The following WAPL variants were observed in gnomAD, a reference collection of about 807,000 sequenced individuals.
The protein encoded by WAPL is WAPL cohesin release factor.
A neutral mutation model predicts 121.0 loss-of-function variants in WAPL; 5 were observed. The ratio of observed to expected loss-of-function variants is 0.04; its 90% CI spans 0.02 to 0.09. The LOEUF (loss-of-function observed/expected upper bound fraction) is 0.09. Among genes scored for constraint, WAPL ranks in the 10% least tolerant of loss-of-function variants. The pLI is 1.00. For synonymous variants in WAPL, 480 were observed against 481.5 expected (o/e 1.00, Z 0.04); for missense variants, 999 against 1,410.8 (o/e 0.71, Z 4.68).
chr10:86,476,108 G>A (rs943982753), intron 4 of WAPL, among the ~76,000 whole-genome samples: 1 of 152,276 alleles, frequency 6.6e-6, no homozygotes, highest in African/African-American at 2.4e-5. Context: ...GCTTACGCCT[G>A]TAATCCCAGC....
rs1589505400 is a variant in WAPL, at chr10:86,462,115, G to A, written c.2371-828C>T. 5.9e-5 allele frequency among the ~76,000 whole-genome samples: 9 copies of A among 152,196 alleles called. No individual in the cohort carries two copies. In the South Asian group the frequency reaches 1.7e-3, roughly 28 times the overall value. ...TTTTTATTGCCCTTTATTTCACTTT[G>A]GCTGTTGTTTTTCTTTTTAAAGCAG... On this transcript the variant is annotated intron_variant, in intron 9 of 18. Transcript: ENST00000298767.
At chr10:86,492,281 A>G (rs1842064886) in intron 4 of WAPL, among the ~76,000 whole-genome samples, 1 of 152,198 alleles carries the variant, frequency 6.6e-6, no homozygotes, top group Non-Finnish European at 1.5e-5. Context: ...CAGCTATTAA[A>G]TGTGTAAGAA....
chr10:86,443,227 T>C (rs761611793), intron 17 of WAPL, 48 bp downstream of exon 17: 12 of 1,455,866 alleles, frequency 8.2e-6, no homozygotes, highest in African/African-American at 1.4e-5. Context: ...AGTCGTTACA[T>C]TGGAATCTTT....
chr10:86,491,136 CTT>C (rs34863367), intron 4 of WAPL, among the ~76,000 whole-genome samples: 10,997 of 102,760 alleles, frequency 0.11, 959 homozygotes, highest in East Asian at 0.4. Flanking sequence ...ACTCATGGTT[CTT>C]TTTTTTTTTT....
chr10:86,500,170 T>G lies in WAPL; in HGVS notation c.1073A>C (p.Tyr358Ser). Residue 358 changes from tyrosine (Y) to serine (S), a missense_variant, in exon 3 of 19, where the codon TAC becomes TCC. Transcript: ENST00000298767. ...FRGTVGRTRDYTVLHPSCLSV... is the reference protein window; with the variant it reads ...FRGTVGRTRDSTVLHPSCLSV... ...CAAGCAAGATGGATGTAAAACAGTG[T>G]AATCTCTAGTCCGTCCAACTGTCCC... 1 of 1,614,156 alleles carries G rather than the reference T, an allele frequency of 6.2e-7. No homozygotes were observed. The highest frequency in any genetic ancestry group is 1.1e-5 in the South Asian group (1 of 91,076).
chr10:86,496,346 G>A (rs1419268271), intron 4 of WAPL, among the ~76,000 whole-genome samples: 2 of 152,164 alleles, frequency 1.3e-5, no homozygotes, highest in African/African-American at 4.8e-5. Flanking sequence ...TGGTAGCAAT[G>A]TAAAATGGTG....
Position 86,472,070 on chromosome 10 carries a change from G to C in WAPL, c.2030+138C>G, listed in dbSNP as rs1337749357. The stretch of plus-strand genomic sequence containing the variant: ...CAAATTCTTTATAAAGAAATGGATA[G>C]CATTTTAACATATCACTGGCTATAC... On this transcript the variant is annotated intron_variant, in intron 7 of 18. Transcript: ENST00000298767. This position sits in a 1 kb window ranked among gnomAD's most constrained non-coding sequence, Gnocchi z 4.2. 2.9e-6 allele frequency: 2 copies of C among 694,508 alleles called. No homozygotes were observed. The highest frequency in any genetic ancestry group is 1.9e-5 in the African/African-American group (1 of 53,072). 43.0% of individuals were successfully genotyped at this position (694,508 alleles called of 1,614,324 possible). A position where few individuals can be genotyped will look rare whatever the true frequency, so the allele number is the denominator to read the frequency against.
chr10:86,443,986 T>C (rs12254976), intron 16 of WAPL: 3,129 of 152,846 alleles, frequency 0.02, 122 homozygotes, highest in African/African-American at 0.071. Flanking sequence ...ATCGTGCCAC[T>C]GCTCTCCAGC....
At chr10:86,503,327 CAA>C (rs1468852393) in intron 2 of WAPL, among the ~76,000 whole-genome samples, 4 of 152,058 alleles carry the variant, frequency 2.6e-5, no homozygotes, top group African/African-American at 9.7e-5. Context: ...GCAAATGATA[CAA>C]AGTGGCTTGG....
intron 4 of WAPL, among the ~76,000 whole-genome samples, chr10:86,490,278 C>T (rs1282094528): frequency 1.3e-5 from 2 of 151,902 alleles, no homozygotes; most frequent in African/African-American, 4.8e-5. Flanking sequence ...AAGCTCAGTC[C>T]CATAGCTCTT....
Position 86,459,047 on chromosome 10 carries a change from C to T in WAPL, c.2599G>A (p.Glu867Lys). The T allele has an allele frequency of 1.2e-6, 2 of 1,606,382 alleles. No individual in the cohort carries two copies. The highest frequency in any genetic ancestry group is 1.7e-6 in the Non-Finnish European group (2 of 1,176,892). ...VLESVTVHNP[E>K]NQSYLIAYKD... ...TATGCTATCAAGTAGCTTTGATTTTCGGGATTATGCACAGTTACCTAAAAA... is the reference window on the plus strand; with the variant it reads ...TATGCTATCAAGTAGCTTTGATTTTTGGGATTATGCACAGTTACCTAAAAA... The change falls in exon 12 of 19, where the codon GAA becomes AAA. Residue 867 changes from glutamate to lysine, a missense_variant. Around this residue, in one of 7 missense-constraint regions of WAPL, gnomAD observed 118 missense variants for 318.3 expected, o/e 0.37. Coordinates refer to ENST00000298767, the MANE Select transcript of WAPL (RefSeq NM_015045.5).
intron 4 of WAPL, among the ~76,000 whole-genome samples, chr10:86,488,722 C>T (rs1381603151): frequency 6.6e-6 from 1 of 152,090 alleles, no homozygotes; most frequent in Non-Finnish European, 1.5e-5. Context: ...ACTGTAATAA[C>T]TAAATGAATA....
At chr10:86,483,794 CTTTTTTTTTTTT>C (rs35725128) in intron 4 of WAPL, among the ~76,000 whole-genome samples, 3 of 69,180 alleles carry the variant, frequency 4.3e-5, no homozygotes, top group Non-Finnish European at 7.5e-5. Flanking sequence ...ATTTTTTTTT[CTTTTTTTTTTTT>C]TTTTTTTTTT....
At chr10:86,512,788 C>G (rs1181984486) in intron 2 of WAPL, among the ~76,000 whole-genome samples, 1 of 151,944 alleles carries the variant, frequency 6.6e-6, no homozygotes, top group Non-Finnish European at 1.5e-5. Flanking sequence ...GAGTAGCGTG[C>G]AAAACAGATG....
intron 4 of WAPL, among the ~76,000 whole-genome samples, chr10:86,480,402 TA>T (rs1841755226): frequency 6.6e-6 from 1 of 152,212 alleles, no homozygotes; most frequent in East Asian, 1.9e-4. Flanking sequence ...TCATAAGTTC[TA>T]AAAAGTCCAT....
intron 4 of WAPL, among the ~76,000 whole-genome samples, chr10:86,478,797 A>G (rs1038929101): frequency 2.0e-5 from 3 of 152,210 alleles, no homozygotes; most frequent in Non-Finnish European, 2.9e-5. Flanking sequence ...AATCACAACT[A>G]TAAACCAGAG....
intron 2 of WAPL, among the ~76,000 whole-genome samples, chr10:86,514,715 A>G (rs964043027): frequency 5.9e-5 from 9 of 152,342 alleles, no homozygotes; most frequent in Admixed American, 2.6e-4. Context: ...ACATAAAGAT[A>G]TATTGTCCGC....
At chr10:86,474,333 G>C (rs1161481434) in intron 4 of WAPL, among the ~76,000 whole-genome samples, 2 of 151,822 alleles carry the variant, frequency 1.3e-5, no homozygotes, top group Non-Finnish European at 2.9e-5. Context: ...GGTCAACATA[G>C]TGAAACCCCA....
Position 86,500,300 on chromosome 10 carries a change from T to A in WAPL, c.943A>T (p.Met315Leu). 1 of 1,614,244 alleles carries A rather than the reference T, an allele frequency of 6.2e-7. No individual in the cohort carries two copies. Among genetic ancestry groups the A allele is most frequent in the East Asian group, 2.2e-5 (1 of 44,886 alleles). Residue 315 changes from methionine (M) to leucine (L), a missense_variant, in exon 3 of 19, where the codon ATG becomes TTG. By Grantham distance (15) the Met-to-Leu change is conservative. Around this residue, in one of 7 missense-constraint regions of WAPL, gnomAD observed 531 missense variants for 563.1 expected, o/e 0.94. Coordinates refer to ENST00000298767, the MANE Select transcript of WAPL (RefSeq NM_015045.5). ...GCTAAGGCCTGACTGGTGCCGTCCA[T>A]CAGCTTATCAAAATTTGATGCTCCT... Reference protein sequence around the residue: ...SQGASNFDKLMDGTSQALAKA... With the variant: ...SQGASNFDKLLDGTSQALAKA...
Sources: allele counts gnomAD v4.1 joint callset (sites outside exome capture counted in the v4.1 genomes callset), GRCh38; gene constraint gnomAD v4.1.1; regional missense constraint gnomAD v4.1.1; non-coding constraint Gnocchi (gnomAD v3.1); transcripts MANE v1.5; gene names NCBI Gene and HGNC (gene_info 2026-07-23, HGNC 2026-07-21).